EYS: variants seen among roughly 807,000 people sequenced by gnomAD.
The protein encoded by EYS is protein eyes shut homolog.
EYS carries 250 observed loss-of-function variants against 282.1 expected under a neutral mutation model. That is an observed-to-expected ratio of 0.89 (90% CI 0.80 to 0.98). EYS has a LOEUF of 0.98. Ranked by LOEUF, EYS falls within the 50% of genes least tolerant of loss-of-function variation. The probability of loss-of-function intolerance (pLI) is 0.00; values close to 1 mark genes in which losing one functional copy is unlikely to be tolerated. For synonymous variants in EYS, 1,355 were observed against 1,282.9 expected (o/e 1.06, Z -1.20); for missense variants, 4,016 against 3,709.0 (o/e 1.08, Z -2.15).
At chr6:64,201,402 C>A (rs146795669) in intron 31 of EYS, among the ~76,000 whole-genome samples, 2,105 of 152,164 alleles carry the variant, frequency 0.014, 57 homozygotes, top group African/African-American at 0.047. Flanking sequence ...GCTAATGGAG[C>A]TTTAAATAAA....
At chr6:65,174,763 T>C (rs1765187061) in intron 12 of EYS, among the ~76,000 whole-genome samples, 1 of 151,316 alleles carries the variant, frequency 6.6e-6, no homozygotes, top group African/African-American at 2.4e-5. Context: ...GCACTAAATA[T>C]AAAAAGATGA....
chr6:64,018,769 T>TG (rs1336497142), intron 33 of EYS, among the ~76,000 whole-genome samples: 8 of 115,646 alleles, frequency 6.9e-5, no homozygotes, highest in South Asian at 3.0e-4. Context: ...GTTTTTTTTT[T>TG]TTTTTTTTTT....
At chr6:64,260,283 A>G (rs1444730004) in intron 30 of EYS, among the ~76,000 whole-genome samples, 1 of 152,086 alleles carries the variant, frequency 6.6e-6, no homozygotes, top group Non-Finnish European at 1.5e-5. Flanking sequence ...AGGCTGCCAT[A>G]CTAGTCAGGA....
chr6:64,847,029 C>T (rs1045696691), intron 19 of EYS, among the ~76,000 whole-genome samples: 4 of 152,008 alleles, frequency 2.6e-5, no homozygotes, highest in Non-Finnish European at 5.9e-5. Flanking sequence ...GAATGCCCAT[C>T]ATCCAATATA....
chr6:65,188,566 C>A (rs1239420519), intron 12 of EYS, among the ~76,000 whole-genome samples: 1 of 151,266 alleles, frequency 6.6e-6, no homozygotes, highest in African/African-American at 2.4e-5. Context: ...CTTGTGAATG[C>A]GCATGAATGC....
At chr6:65,445,381 T>C (rs1469178641) in intron 5 of EYS, among the ~76,000 whole-genome samples, 1 of 151,876 alleles carries the variant, frequency 6.6e-6, no homozygotes, top group Non-Finnish European at 1.5e-5. Flanking sequence ...ACAACTAAAC[T>C]ATAAAGTTCT....
At chr6:65,383,310 A>G (rs1005899262) in intron 8 of EYS, among the ~76,000 whole-genome samples, 1 of 151,834 alleles carries the variant, frequency 6.6e-6, no homozygotes, top group African/African-American at 2.4e-5. Flanking sequence ...GTGTTTTGAG[A>G]CAATTATAAT....
At chr6:65,611,485 T>A (rs1766000606) in intron 2 of EYS, among the ~76,000 whole-genome samples, 1 of 152,010 alleles carries the variant, frequency 6.6e-6, no homozygotes. Flanking sequence ...TTAGTTTTCT[T>A]TTTATAGATA....
intron 14 of EYS, among the ~76,000 whole-genome samples, chr6:64,958,041 T>C: frequency 6.6e-6 from 1 of 151,186 alleles, no homozygotes; most frequent in East Asian, 1.9e-4. Flanking sequence ...TTATTAGGAT[T>C]TTTTTCTGTA....
At chr6:65,383,497 A>G (rs990268900) in intron 8 of EYS, among the ~76,000 whole-genome samples, 1 of 151,796 alleles carries the variant, frequency 6.6e-6, no homozygotes, top group Non-Finnish European at 1.5e-5. Context: ...AATAGTAATG[A>G]GGAATGCTTA....
intron 26 of EYS, among the ~76,000 whole-genome samples, chr6:64,553,113 G>C (rs1181757207): frequency 2.6e-5 from 4 of 151,896 alleles, no homozygotes; most frequent in African/African-American, 9.7e-5. Context: ...AACCACCTTG[G>C]GCACATGTTC....
At chr6:64,438,487 A>T (rs1024482623) in intron 27 of EYS, among the ~76,000 whole-genome samples, 2 of 151,630 alleles carry the variant, frequency 1.3e-5, no homozygotes, top group African/African-American at 4.8e-5. Flanking sequence ...ACTTACAAAA[A>T]CAGGTTTTCT....
chr6:64,745,621 A>G (rs1772533577), intron 22 of EYS, among the ~76,000 whole-genome samples: 1 of 152,200 alleles, frequency 6.6e-6, no homozygotes, highest in Admixed American at 6.5e-5. Context: ...TGGTACCACT[A>G]TGTATAAAAA....
intron 12 of EYS, among the ~76,000 whole-genome samples, chr6:65,279,241 A>G (rs1031363273): frequency 6.6e-6 from 1 of 151,924 alleles, no homozygotes; most frequent in African/African-American, 2.4e-5. Flanking sequence ...GTTTACCTCA[A>G]GATGTCTGTG....
chr6:65,335,623 A>G (rs994331448), intron 10 of EYS, among the ~76,000 whole-genome samples: 4 of 151,704 alleles, frequency 2.6e-5, no homozygotes, highest in Non-Finnish European at 4.4e-5. Flanking sequence ...TTCAAAGAGA[A>G]CATGGGATGT....
chr6:64,103,093 G>A (rs1337648132), intron 31 of EYS, among the ~76,000 whole-genome samples: 7 of 152,098 alleles, frequency 4.6e-5, no homozygotes, highest in African/African-American at 1.2e-4. Flanking sequence ...AATAGAAACA[G>A]TTTAAAGCCT....
chr6:65,289,727 G>A (rs1209120770), intron 12 of EYS, among the ~76,000 whole-genome samples: 1 of 151,092 alleles, frequency 6.6e-6, no homozygotes, highest in Non-Finnish European at 1.5e-5. Flanking sequence ...AATCATAGCA[G>A]TATTTCTGCC....
chr6:64,163,256 T>G (rs1011379207), intron 31 of EYS, among the ~76,000 whole-genome samples: 2 of 152,130 alleles, frequency 1.3e-5, no homozygotes, highest in African/African-American at 2.4e-5. Flanking sequence ...CATAATATTA[T>G]TTTTTCTTCT....
chr6:64,840,671 C>G (rs1470149082), intron 19 of EYS, among the ~76,000 whole-genome samples: 1 of 152,020 alleles, frequency 6.6e-6, no homozygotes, highest in Non-Finnish European at 1.5e-5. Context: ...CATAAAGCCA[C>G]TGGTATCAAA....
Sources: gnomAD v4.1 joint callset for allele counts (sites outside exome capture counted in the v4.1 genomes callset) on GRCh38, gnomAD v4.1.1 for gene constraint, MANE v1.5 for transcripts, NCBI Gene and HGNC (gene_info 2026-07-23, HGNC 2026-07-21) for gene names.